Variants in KCNIP1 observed in about 807,000 individuals in gnomAD.
The protein encoded by KCNIP1 is A-type potassium channel modulatory protein KCNIP1.
KCNIP1 carries 18 observed loss-of-function variants against 33.0 expected under a neutral mutation model. The observed-to-expected ratio is 0.55, with a 90% CI of 0.38 to 0.81. The LOEUF (loss-of-function observed/expected upper bound fraction) is 0.81. KCNIP1 is among the 30% of genes least tolerant of loss of function. The pLI, the probability that KCNIP1 is intolerant of heterozygous loss-of-function variation, is 0.00. For synonymous variants in KCNIP1, 93 were observed against 98.3 expected (o/e 0.95, Z 0.32); for missense variants, 238 against 271.6 (o/e 0.88, Z 0.87).
At chr5:170,656,522 T>G (rs1340826911) in intron 1 of KCNIP1, among the ~76,000 whole-genome samples, 1 of 152,096 alleles carries the variant, frequency 6.6e-6, no homozygotes, top group Non-Finnish European at 1.5e-5. Flanking sequence ...CCGCTGCCAG[T>G]CCCCAACTCA....
intron 1 of KCNIP1, among the ~76,000 whole-genome samples, chr5:170,470,878 G>A (rs570911420): frequency 9.1e-4 from 138 of 152,320 alleles, no homozygotes; most frequent in Non-Finnish European, 1.2e-3. Context: ...AAGCATGGTG[G>A]TTGGAGTTCG....
chr5:170,452,477 C>A (rs961719058), intron 1 of KCNIP1, among the ~76,000 whole-genome samples: 5 of 152,070 alleles, frequency 3.3e-5, no homozygotes, highest in Non-Finnish European at 5.9e-5. Context: ...TAAATGTCAA[C>A]AAAAGCTGGT....
intron 1 of KCNIP1, among the ~76,000 whole-genome samples, chr5:170,395,726 TAGTG>T (rs1356326460): frequency 2.0e-5 from 3 of 152,116 alleles, no homozygotes; most frequent in African/African-American, 7.2e-5. Flanking sequence ...ACTTGAGCCT[TAGTG>T]AGTGAGAGAG....
At chr5:170,526,242 A>G (rs919685851) in intron 1 of KCNIP1, among the ~76,000 whole-genome samples, 1 of 152,234 alleles carries the variant, frequency 6.6e-6, no homozygotes, top group Admixed American at 6.5e-5. Context: ...GTGAGAAAGC[A>G]GTCAGCAGTG....
chr5:170,509,919 T>C (rs1309918128), intron 1 of KCNIP1, among the ~76,000 whole-genome samples: 1 of 152,242 alleles, frequency 6.6e-6, no homozygotes, highest in Admixed American at 6.5e-5. Context: ...TCCCCTTGTC[T>C]TCCCTTATAT....
chr5:170,675,435 C>A (rs2339096), intron 1 of KCNIP1, among the ~76,000 whole-genome samples: 1 of 151,954 alleles, frequency 6.6e-6, no homozygotes, highest in Non-Finnish European at 1.5e-5. Context: ...CTGGCCAACA[C>A]GGTGAAACCC....
At chr5:170,682,763 A>C (rs1762392928) in intron 1 of KCNIP1, among the ~76,000 whole-genome samples, 1 of 130,014 alleles carries the variant, frequency 7.7e-6, no homozygotes, top group African/African-American at 2.7e-5. Context: ...TTAATGCAAC[A>C]GCGTCCTATT....
intron 1 of KCNIP1, among the ~76,000 whole-genome samples, chr5:170,685,098 A>T (rs1476412612): frequency 6.6e-6 from 1 of 152,130 alleles, no homozygotes; most frequent in Non-Finnish European, 1.5e-5. Context: ...CTCCTTGCCC[A>T]TAAGGACAAC....
At chr5:170,385,344 ACC>A in intron 1 of KCNIP1, 1 of 1,614,124 alleles carries the variant, frequency 6.2e-7, no homozygotes, top group South Asian at 1.1e-5. Context: ...CACAGTCGTG[ACC>A]AGGATGTAGT....
chr5:170,547,335 A>G (rs1756451204), intron 1 of KCNIP1, among the ~76,000 whole-genome samples: 1 of 152,084 alleles, frequency 6.6e-6, no homozygotes, highest in African/African-American at 2.4e-5. Context: ...TCTTTGCTCC[A>G]TCTATATCTG....
chr5:170,645,676 C>A (rs1343438100), intron 1 of KCNIP1, among the ~76,000 whole-genome samples: 2 of 152,150 alleles, frequency 1.3e-5, no homozygotes, highest in Non-Finnish European at 2.9e-5. Flanking sequence ...TCGTATTTTT[C>A]TCAAACCCAC....
chr5:170,462,264 C>CAAAAAAAAAAAAAAAAAAAAAAA (rs760686464), intron 1 of KCNIP1, among the ~76,000 whole-genome samples: 3 of 52,038 alleles, frequency 5.8e-5, no homozygotes, highest in East Asian at 8.1e-4. Flanking sequence ...AACAAATTAG[C>CAAAAAAAAAAAAAAAAAAAAAAA]AAAAAAAAAA....
chr5:170,583,269 C>T (rs764185092), intron 1 of KCNIP1, among the ~76,000 whole-genome samples: 5 of 152,216 alleles, frequency 3.3e-5, no homozygotes, highest in African/African-American at 7.2e-5. Flanking sequence ...CTAAGTTTAT[C>T]GCTTCCTCTC....
intron 1 of KCNIP1, among the ~76,000 whole-genome samples, chr5:170,531,494 A>C (rs1219512320): frequency 6.6e-6 from 1 of 152,194 alleles, no homozygotes; most frequent in East Asian, 1.9e-4. Flanking sequence ...TGCATGAGAT[A>C]ATGAGACCAA....
At chr5:170,487,012 T>A (rs1005674996) in intron 1 of KCNIP1, among the ~76,000 whole-genome samples, 8 of 152,198 alleles carry the variant, frequency 5.3e-5, no homozygotes, top group Non-Finnish European at 1.0e-4. Flanking sequence ...ATACACATTA[T>A]TATATATTAC....
At chr5:170,550,203 T>C (rs1015994435) in intron 1 of KCNIP1, among the ~76,000 whole-genome samples, 1 of 152,224 alleles carries the variant, frequency 6.6e-6, no homozygotes, top group East Asian at 1.9e-4. Flanking sequence ...TTGACATAAC[T>C]GTACCCCTCA....
chr5:170,589,778 GTGTGATGTGATGTGGT>G (rs1758151465), intron 1 of KCNIP1, among the ~76,000 whole-genome samples: 2 of 111,376 alleles, frequency 1.8e-5, no homozygotes, highest in African/African-American at 7.2e-5. Context: ...GTGTGGTGTG[GTGTGATGTGATGTGGT>G]GTGCGGTGCG....
intron 1 of KCNIP1, among the ~76,000 whole-genome samples, chr5:170,578,092 C>G (rs1757665907): frequency 6.6e-6 from 1 of 152,182 alleles, no homozygotes; most frequent in Admixed American, 6.5e-5. Context: ...TCTTGAGTGC[C>G]CACTATGTGG....
At chr5:170,380,826 G>A (rs1372376436) in intron 1 of KCNIP1, among the ~76,000 whole-genome samples, 1 of 152,164 alleles carries the variant, frequency 6.6e-6, no homozygotes, top group Admixed American at 6.6e-5. Flanking sequence ...GTTCTGAGCT[G>A]TGTGACCTTG....
Sources: gnomAD v4.1 joint callset for allele counts (sites outside exome capture counted in the v4.1 genomes callset) on GRCh38, gnomAD v4.1.1 for gene constraint, MANE v1.5 for transcripts, NCBI Gene and HGNC (gene_info 2026-07-23, HGNC 2026-07-21) for gene names.